SNRNP35: variants seen among roughly 807,000 people sequenced by gnomAD.
The protein encoded by SNRNP35 is small nuclear ribonucleoprotein U11/U12 subunit 35, also known as U11/U12 small nuclear ribonucleoprotein 35 kDa protein.
SNRNP35 carries 16 observed loss-of-function variants against 24.3 expected under a neutral mutation model. That is an observed-to-expected ratio of 0.66 (90% CI 0.45 to 1.00). The LOEUF is 1.00. Ranked by LOEUF, SNRNP35 falls within the 50% of genes least tolerant of loss-of-function variation. The pLI is 0.00. For synonymous variants in SNRNP35, 106 were observed against 124.8 expected, an observed-to-expected ratio of 0.85 and a Z score of 1.00; for missense variants, 292 against 327.2, an observed-to-expected ratio of 0.89 and a Z score of 0.83.
chr12:123,472,255 G>A (rs1176735237), exon 2 of SNRNP35: 16 of 354,682 alleles, frequency 4.5e-5, no homozygotes, highest in Non-Finnish European at 7.2e-5. Flanking sequence ...TGAAGTTAAC[G>A]CAGAAGTCTG....
chr12:123,472,702 C>T, exon 2 of SNRNP35: 1 of 1,587,612 alleles, frequency 6.3e-7, no homozygotes, highest in South Asian at 1.2e-5. Flanking sequence ...GGAAAGCAAA[C>T]ACAGAAATGA....
In SNRNP35 at chr12:123,465,195, T is replaced by G. The variant is rs1049720637; in HGVS notation, c.-3-343T>G. ...AAGGTTCTGAAAGAGAAGTCTGGTT[T>G]TGATCCACGTTGCCACATTGTAATG... On this transcript the variant is annotated intron_variant, in intron 1 of 1. Coordinates refer to ENST00000526639, the MANE Select transcript of SNRNP35 (RefSeq NM_022717.4). This position sits in a 1 kb window ranked among gnomAD's most constrained non-coding sequence, Gnocchi z 4.2. Among the ~76,000 whole-genome samples, 11 of 152,376 alleles carry G rather than the reference T, an allele frequency of 7.2e-5. No individual in the cohort carries two copies. Among genetic ancestry groups the G allele is most frequent in the African/African-American group, 2.6e-4 (11 of 41,596 alleles).
At chr12:123,463,694 T>C (rs983290589) in intron 1 of SNRNP35, among the ~76,000 whole-genome samples, 15 of 151,758 alleles carry the variant, frequency 9.9e-5, no homozygotes, top group Admixed American at 1.3e-4. Flanking sequence ...GCTACCGCGC[T>C]CGCCAGTTTT....
At chr12:123,460,614 A>AT (rs1880557889) in intron 1 of SNRNP35, among the ~76,000 whole-genome samples, 1 of 150,830 alleles carries the variant, frequency 6.6e-6, no homozygotes, top group Non-Finnish European at 1.5e-5. Flanking sequence ...AAAAAAAAAA[A>AT]AAAAAAAAAA....
At chr12:123,460,913 C>G (rs1263246639) in intron 1 of SNRNP35, among the ~76,000 whole-genome samples, 1 of 151,486 alleles carries the variant, frequency 6.6e-6, no homozygotes, top group Non-Finnish European at 1.5e-5. Context: ...CCACTTTTGC[C>G]TCCCAAAGTG....
chr12:123,472,066 A>C (rs1881225338), exon 2 of SNRNP35: 1 of 165,720 alleles, frequency 6.0e-6, no homozygotes, highest in African/African-American at 2.4e-5. Flanking sequence ...CATTCTGTAT[A>C]ATACGTTACC....
chr12:123,472,811 A>G, exon 2 of SNRNP35: 1 of 984,630 alleles, frequency 1.0e-6, no homozygotes, highest in Non-Finnish European at 1.5e-6. Flanking sequence ...TGTGAAAGAC[A>G]AAGTTGGGGG....
downstream of SNRNP35, among the ~76,000 whole-genome samples, chr12:123,468,487 G>A (rs564336378): frequency 6.6e-6 from 1 of 152,196 alleles, no homozygotes; most frequent in African/African-American, 2.4e-5. Context: ...TCAGCAGTTC[G>A]AGACCAGTCT....
Position 123,466,020 on chromosome 12 carries a change from G to A in SNRNP35, c.480G>A (p.Arg160=), listed in dbSNP as rs183776816. Residue 160 remains arginine (R), a synonymous_variant, in exon 2 of 2, where the codon CGG becomes CGA. Coordinates refer to ENST00000526639, the MANE Select transcript of SNRNP35 (RefSeq NM_022717.4). ...AACTGAGATTTGGGGGACGGGACCG[G>A]CCTTTTCGAAAACCTATTAACTTGC... ...SGQLRFGGRD[R]PFRKPINLPV... 2.5e-6 allele frequency: 4 copies of A among 1,614,124 alleles called. No homozygotes were observed. The highest frequency in any genetic ancestry group is 3.4e-6 in the Non-Finnish European group (4 of 1,180,024).
In SNRNP35 at chr12:123,466,397, T is replaced by C; in HGVS notation, c.*116T>C. ...TAAAACTTACTGATGATCATGGGGT[T>C]TGGAATAGTTTTCTTTCCAATCTGG... is the stretch of plus-strand genomic sequence containing the variant. On this transcript the variant is annotated 3_prime_UTR_variant, in exon 2 of 2. Coordinates refer to ENST00000526639, the MANE Select transcript of SNRNP35 (RefSeq NM_022717.4). The C allele has an allele frequency of 8.9e-7, 1 of 1,124,022 alleles. No homozygotes were observed. The highest frequency in any genetic ancestry group is 2.5e-5 in the East Asian group (1 of 39,672). 69.6% of individuals were successfully genotyped at this position (1,124,022 alleles called of 1,614,324 possible).
intron 1 of SNRNP35, chr12:123,459,816 A>G: frequency 6.4e-7 from 1 of 1,561,700 alleles, no homozygotes; most frequent in Non-Finnish European, 8.7e-7. Context: ...AAAAATCGAA[A>G]GAGATTGTTG....
Position 123,465,324 on chromosome 12 carries a change from A to C in SNRNP35, c.-3-214A>C, listed in dbSNP as rs1247436625. 2.0e-5 allele frequency among the ~76,000 whole-genome samples: 3 copies of C among 152,120 alleles called. No individual in the cohort carries two copies. The highest frequency in any genetic ancestry group is 7.2e-5 in the African/African-American group (3 of 41,436). ...TGCTTCCTGAGAGGGCATTTGTAGG[A>C]GTGGGTAAGGGCTTCTCTGGAGCAC... is the stretch of plus-strand genomic sequence containing the variant. On this transcript the variant is annotated intron_variant, in intron 1 of 1. Transcript: ENST00000526639. This position sits in a 1 kb window ranked among gnomAD's most constrained non-coding sequence, Gnocchi z 4.2.
At chr12:123,472,382 A>T in exon 2 of SNRNP35, 1 of 737,836 alleles carries the variant, frequency 1.4e-6, no homozygotes, top group African/African-American at 1.8e-5. Flanking sequence ...TCAGTTTTTC[A>T]ATGTCCATCC....
chr12:123,463,633 C>T (rs1040063531), intron 1 of SNRNP35, among the ~76,000 whole-genome samples: 2 of 152,130 alleles, frequency 1.3e-5, no homozygotes, highest in African/African-American at 4.8e-5. Context: ...AACTCCTGAC[C>T]TCGTGATCTG....
downstream of SNRNP35, chr12:123,471,532 A>G (rs750285954): frequency 6.6e-6 from 1 of 152,148 alleles, no homozygotes; most frequent in East Asian, 1.9e-4. Context: ...TATGTGGGCA[A>G]GCCTCCAACT....
At chr12:123,462,361 G>A (rs144792728) in intron 1 of SNRNP35, among the ~76,000 whole-genome samples, 3 of 152,280 alleles carry the variant, frequency 2.0e-5, no homozygotes, top group African/African-American at 7.2e-5. Flanking sequence ...TGGGGCTGGA[G>A]AATTAGGGCA....
At chr12:123,469,267 G>A (rs1319989655), downstream of SNRNP35, among the ~76,000 whole-genome samples, 1 of 151,298 alleles carries the variant, frequency 6.6e-6, no homozygotes, top group Non-Finnish European at 1.5e-5. Context: ...CGATTCTCCT[G>A]CCTCAGCCTC....
intron 1 of SNRNP35, among the ~76,000 whole-genome samples, chr12:123,463,713 T>G (rs916529420): frequency 2.6e-5 from 4 of 151,824 alleles, no homozygotes; most frequent in Non-Finnish European, 5.9e-5. Context: ...TTGTTTTGTT[T>G]TTTTTCTTAA....
intron 1 of SNRNP35, among the ~76,000 whole-genome samples, chr12:123,461,948 C>CT (rs1199278248): frequency 6.6e-5 from 10 of 152,140 alleles, no homozygotes; most frequent in African/African-American, 2.4e-4. Context: ...TCTTGAGCTG[C>CT]TGACCTCGTG....
Sources: gnomAD v4.1 joint callset for allele counts (sites outside exome capture counted in the v4.1 genomes callset) on GRCh38, gnomAD v4.1.1 for gene constraint, Gnocchi (gnomAD v3.1) non-coding constraint, MANE v1.5 for transcripts, NCBI Gene and HGNC (gene_info 2026-07-23, HGNC 2026-07-21) for gene names.